The following PARD3B variants were observed in gnomAD, a reference collection of about 807,000 sequenced individuals.
The protein encoded by PARD3B is par-3 family cell polarity regulator beta.
A neutral mutation model predicts 130.2 loss-of-function variants in PARD3B; 103 were observed. That is an observed-to-expected ratio of 0.79 (90% confidence interval 0.67 to 0.93). The LOEUF (loss-of-function observed/expected upper bound fraction) is 0.93, where lower values mean the gene tolerates loss of function less well. PARD3B is among the 40% of genes least tolerant of loss of function. PARD3B has a pLI of 0.00. For missense variants in PARD3B, 1,609 were observed against 1,499.2 expected (o/e 1.07, Z -1.21); for synonymous variants, 583 against 553.2 (o/e 1.05, Z -0.76).
At chr2:205,315,065 C>A (rs1335226227) in intron 18 of PARD3B, among the ~76,000 whole-genome samples, 1 of 152,186 alleles carries the variant, frequency 6.6e-6, no homozygotes, top group Non-Finnish European at 1.5e-5. Context: ...GATTTGCCTG[C>A]TTTATTCATT....
intron 12 of PARD3B, among the ~76,000 whole-genome samples, chr2:205,173,409 T>A (rs1002259500): frequency 1.3e-5 from 2 of 152,194 alleles, no homozygotes; most frequent in Non-Finnish European, 2.9e-5. Context: ...ATACATAATT[T>A]AGTGCTTGGT....
intron 22 of PARD3B, among the ~76,000 whole-genome samples, chr2:205,600,935 T>C (rs2105755307): frequency 6.6e-6 from 1 of 152,332 alleles, no homozygotes; most frequent in East Asian, 1.9e-4. Context: ...TCCATGTCTT[T>C]GCAATTGTGA....
intron 14 of PARD3B, among the ~76,000 whole-genome samples, chr2:205,189,909 G>A (rs2036301260): frequency 1.3e-5 from 2 of 152,082 alleles, no homozygotes; most frequent in Non-Finnish European, 1.5e-5. Context: ...TGTACACTTG[G>A]TCACAATCAA....
intron 1 of PARD3B, among the ~76,000 whole-genome samples, chr2:204,562,982 C>T (rs1428079717): frequency 6.6e-6 from 1 of 152,076 alleles, no homozygotes; most frequent in Non-Finnish European, 1.5e-5. Context: ...TTTCCTGGGG[C>T]TGCCATGACA....
chr2:204,888,694 G>A (rs1354593706), intron 2 of PARD3B, among the ~76,000 whole-genome samples: 1 of 142,596 alleles, frequency 7.0e-6, no homozygotes, highest in Admixed American at 7.3e-5. Context: ...TTGTGCCACT[G>A]TACTCCAGCC....
chr2:205,350,646 A>G (rs1046455817), intron 18 of PARD3B, among the ~76,000 whole-genome samples: 2 of 151,986 alleles, frequency 1.3e-5, no homozygotes, highest in African/African-American at 4.8e-5. Flanking sequence ...TCATATTTTT[A>G]TGGTACCTTA....
intron 3 of PARD3B, among the ~76,000 whole-genome samples, chr2:205,031,508 C>G (rs1697421831): frequency 6.6e-6 from 1 of 152,126 alleles, no homozygotes; most frequent in Non-Finnish European, 1.5e-5. Context: ...TCAAACGCTG[C>G]TGACTTAGAT....
rs951378968 is a variant in PARD3B, at chr2:205,572,064, A to T, written c.3260+18661A>T. 1.8e-4 allele frequency among the ~76,000 whole-genome samples: 27 copies of T among 152,212 alleles called. No homozygotes were observed. The highest frequency in any genetic ancestry group is 6.5e-4 in the African/African-American group (27 of 41,462). The stretch of plus-strand genomic sequence containing the variant: ...TTTATTGTTCTGAAGTTCTATGAGC[A>T]TGAAGGTAGAGAGTTGAGTCTTCAT... On this transcript the variant is annotated intron_variant, in intron 22 of 22. Coordinates refer to ENST00000406610, the MANE Select transcript of PARD3B (RefSeq NM_001302769.2). The surrounding 1 kb of genome is among the most constrained non-coding windows in gnomAD (Gnocchi z 4.2).
chr2:205,320,716 T>G (rs972898960), intron 18 of PARD3B, among the ~76,000 whole-genome samples: 1 of 152,242 alleles, frequency 6.6e-6, no homozygotes, highest in African/African-American at 2.4e-5. Flanking sequence ...ACATGGCATC[T>G]CAAATCCAGT....
intron 18 of PARD3B, among the ~76,000 whole-genome samples, chr2:205,399,359 G>C (rs891822369): frequency 1.3e-5 from 2 of 151,818 alleles, no homozygotes; most frequent in African/African-American, 4.8e-5. Context: ...TGTTTTGTTT[G>C]TTTGTTTGTT....
chr2:204,553,860 C>T (rs954166114), intron 1 of PARD3B, among the ~76,000 whole-genome samples: 16 of 150,956 alleles, frequency 1.1e-4, no homozygotes, highest in Non-Finnish European at 2.2e-4. Flanking sequence ...GGAGTTCTCA[C>T]TGACACAAAG....
intron 21 of PARD3B, among the ~76,000 whole-genome samples, chr2:205,521,208 A>G (rs549212207): frequency 7.2e-5 from 11 of 151,922 alleles, no homozygotes; most frequent in Non-Finnish European, 1.6e-4. Flanking sequence ...TACCAATTTG[A>G]TGGCAAATAT....
intron 2 of PARD3B, among the ~76,000 whole-genome samples, chr2:204,749,887 A>G (rs1204319351): frequency 2.0e-5 from 3 of 152,190 alleles, no homozygotes; most frequent in African/African-American, 7.2e-5. Context: ...TTAATGTCTA[A>G]TAAGATAAAT....
intron 1 of PARD3B, among the ~76,000 whole-genome samples, chr2:204,625,797 A>G (rs1574572589): frequency 6.6e-6 from 1 of 152,214 alleles, no homozygotes; most frequent in Non-Finnish European, 1.5e-5. Context: ...TATTCCACAT[A>G]TAATGAAAAT....
chr2:205,313,538 C>T lies in PARD3B; in HGVS notation c.2630+11837C>T, dbSNP rs564701952. Among the ~76,000 whole-genome samples the T allele has an allele frequency of 3.3e-5, 5 of 152,274 alleles. No individual in the cohort carries two copies. In the South Asian group the frequency reaches 8.3e-4, roughly 25 times the overall value. On this transcript the variant is annotated intron_variant, in intron 18 of 22. Transcript: ENST00000406610. ...CTTGATTGCTGTGCAACTCTGTTTA[C>T]GGCTGTCCAAAGCGGTAAAATGATT...
At chr2:205,136,129 T>A (rs189402122) in intron 10 of PARD3B, among the ~76,000 whole-genome samples, 484 of 152,240 alleles carry the variant, frequency 3.2e-3, no homozygotes, top group African/African-American at 9.5e-3. Context: ...TCCTTTGCAT[T>A]TCTTAGAGGT....
chr2:205,614,067 A>T (rs2055332673), intron 22 of PARD3B, among the ~76,000 whole-genome samples: 1 of 152,010 alleles, frequency 6.6e-6, no homozygotes, highest in Non-Finnish European at 1.5e-5. Flanking sequence ...GGATCTGGGG[A>T]TGGTGGTGGT....
At chr2:205,117,915 G>GTACATACACACACACACACACA (rs1553617392) in intron 6 of PARD3B, among the ~76,000 whole-genome samples, 1 of 133,500 alleles carries the variant, frequency 7.5e-6, no homozygotes, top group Non-Finnish European at 1.6e-5. Context: ...ATGTATGTGT[G>GTACATACACACACACACACACA]TACACACACA....
rs145385931 is a variant in PARD3B at position 205,559,291 on chromosome 2, C to T, written c.3260+5888C>T. On this transcript the variant is annotated intron_variant, in intron 22 of 22. Coordinates refer to ENST00000406610, the MANE Select transcript of PARD3B (RefSeq NM_001302769.2). ...TCCAGAGTAGCTGGGACTACAGGCACGCACCACGATGCCCAGCTAAATTTT... is the reference window on the plus strand; with the variant it reads ...TCCAGAGTAGCTGGGACTACAGGCATGCACCACGATGCCCAGCTAAATTTT... Among the ~76,000 whole-genome samples the T allele has an allele frequency of 7.2e-5, 11 of 152,220 alleles. No individual in the cohort carries two copies. The East Asian group carries it at 7.7e-4, about 11-fold the overall frequency.
Sources: allele counts gnomAD v4.1 joint callset (sites outside exome capture counted in the v4.1 genomes callset), GRCh38; gene constraint gnomAD v4.1.1; non-coding constraint Gnocchi (gnomAD v3.1); transcripts MANE v1.5; gene names NCBI Gene and HGNC (gene_info 2026-07-23, HGNC 2026-07-21).